The following SLC10A7 variants were observed in gnomAD, a reference collection of about 807,000 sequenced individuals.
SLC10A7 encodes the protein sodium/bile acid cotransporter 7.
SLC10A7 carries 29 observed loss-of-function variants against 43.2 expected under a neutral mutation model. The ratio of observed to expected loss-of-function variants is 0.67; its 90% CI spans 0.50 to 0.92. The LOEUF (loss-of-function observed/expected upper bound fraction) is 0.92, where lower values mean the gene tolerates loss of function less well. Ranked by LOEUF, SLC10A7 falls within the 40% of genes least tolerant of loss-of-function variation. The pLI, the probability that SLC10A7 is intolerant of heterozygous loss-of-function variation, is 0.00. For missense variants in SLC10A7, 295 were observed against 403.2 expected (o/e 0.73, Z 2.30); for synonymous variants, 152 against 144.8 (o/e 1.05, Z -0.35).
intron 4 of SLC10A7, among the ~76,000 whole-genome samples, chr4:146,467,562 C>CTTTTTTTTTT (rs397995707): frequency 1.1e-5 from 1 of 92,832 alleles, no homozygotes; most frequent in Non-Finnish European, 2.0e-5. Flanking sequence ...TTCTTTCTCT[C>CTTTTTTTTTT]TTTTTTTTTT....
At chr4:146,500,168 T>C (rs1163570233) in intron 4 of SLC10A7, among the ~76,000 whole-genome samples, 1 of 152,180 alleles carries the variant, frequency 6.6e-6, no homozygotes, top group African/African-American at 2.4e-5. Flanking sequence ...GCCAATTTCA[T>C]TCCTACACTA....
rs77887202 is a variant in SLC10A7 at position 146,259,689 on chromosome 4, T to C, written c.848-852A>G. On this transcript the variant is annotated intron_variant, in intron 10 of 11. Coordinates refer to ENST00000335472, the MANE Select transcript of SLC10A7 (RefSeq NM_001029998.6). ...ACTTCATGAGTCTACTATTCTATTA[T>C]ACCAAGAGCTGGGTGTGTATATTTT... Among the ~76,000 whole-genome samples, 214 of 152,364 alleles carry C rather than the reference T, an allele frequency of 1.4e-3. 2 individuals are homozygous for C. In the East Asian group the frequency reaches 0.024, roughly 17 times the overall value.
chr4:146,355,848 A>C lies in SLC10A7; in HGVS notation c.436-29852T>G, dbSNP rs868418572. On this transcript the variant is annotated intron_variant, in intron 5 of 11. Transcript: ENST00000335472. ...GGTAGGAATTGAACAATGAGATCAC[A>C]TGGACACAGGAAGGGGAATATCACA... Among the ~76,000 whole-genome samples, 1,057 of 120,310 alleles carry C rather than the reference A, an allele frequency of 8.8e-3. 16 individuals are homozygous for C. The highest frequency in any genetic ancestry group is 0.033 in the African/African-American group (990 of 29,956). 78.9% of individuals were successfully genotyped at this position (120,310 alleles called of 152,430 possible).
intron 4 of SLC10A7, among the ~76,000 whole-genome samples, chr4:146,473,768 A>T (rs962744104): frequency 1.3e-5 from 2 of 152,122 alleles, no homozygotes; most frequent in Non-Finnish European, 2.9e-5. Context: ...GTATTTTAAT[A>T]AAAAAATGGA....
At chr4:146,272,750 C>T (rs551598785) in intron 10 of SLC10A7, among the ~76,000 whole-genome samples, 26 of 152,254 alleles carry the variant, frequency 1.7e-4, no homozygotes, top group East Asian at 1.2e-3. Context: ...TCACTTCAAA[C>T]GCAGTAAATG....
intron 3 of SLC10A7, among the ~76,000 whole-genome samples, chr4:146,507,482 A>G (rs1466527025): frequency 6.6e-6 from 1 of 152,038 alleles, no homozygotes; most frequent in Non-Finnish European, 1.5e-5. Context: ...AATCACTTGA[A>G]CCCGGGAGGC....
intron 5 of SLC10A7, among the ~76,000 whole-genome samples, chr4:146,389,783 G>A (rs1738282808): frequency 6.6e-6 from 1 of 152,186 alleles, no homozygotes; most frequent in African/African-American, 2.4e-5. Context: ...CTTTCGGTTT[G>A]GCCTTCTGGC....
At chr4:146,339,134 T>C (rs527746942) in intron 5 of SLC10A7, among the ~76,000 whole-genome samples, 1 of 152,096 alleles carries the variant, frequency 6.6e-6, no homozygotes, top group East Asian at 1.9e-4. Flanking sequence ...CAAAAACTGA[T>C]TCTCTTTTAT....
intron 4 of SLC10A7, among the ~76,000 whole-genome samples, chr4:146,483,921 G>A (rs1394724706): frequency 6.6e-6 from 1 of 152,164 alleles, no homozygotes; most frequent in East Asian, 1.9e-4. Flanking sequence ...AATTCATCAA[G>A]AGGACATAAC....
chr4:146,414,889 T>G (rs1285525115), intron 5 of SLC10A7, among the ~76,000 whole-genome samples: 1 of 152,128 alleles, frequency 6.6e-6, no homozygotes, highest in South Asian at 2.1e-4. Context: ...CTTAAAAATC[T>G]TAATAGTCCC....
At chr4:146,383,443 C>A (rs1579048387) in intron 5 of SLC10A7, among the ~76,000 whole-genome samples, 1 of 152,124 alleles carries the variant, frequency 6.6e-6, no homozygotes, top group South Asian at 2.1e-4. Context: ...TCATTTCATC[C>A]TCTTCATTTG....
At chr4:146,289,549 T>A (rs1448943775) in intron 9 of SLC10A7, among the ~76,000 whole-genome samples, 5 of 152,008 alleles carry the variant, frequency 3.3e-5, no homozygotes, top group Admixed American at 2.6e-4. Flanking sequence ...TATTTTTTTT[T>A]AAATTTGCAG....
intron 10 of SLC10A7, among the ~76,000 whole-genome samples, chr4:146,281,442 A>G (rs1371294488): frequency 6.6e-6 from 1 of 152,104 alleles, no homozygotes; most frequent in East Asian, 1.9e-4. Flanking sequence ...ATAGAAAAAA[A>G]AAAAAGTGGG....
At chr4:146,313,757 C>G (rs1732138875) in intron 6 of SLC10A7, among the ~76,000 whole-genome samples, 3 of 152,042 alleles carry the variant, frequency 2.0e-5, no homozygotes, top group African/African-American at 7.2e-5. Flanking sequence ...GAAAGCTGCC[C>G]CTTGGTCTCT....
At chr4:146,476,841 C>G (rs547267022) in intron 4 of SLC10A7, among the ~76,000 whole-genome samples, 11 of 151,934 alleles carry the variant, frequency 7.2e-5, no homozygotes, top group Non-Finnish European at 1.6e-4. Context: ...TTAGTGATAG[C>G]AAATGGTGTT....
intron 5 of SLC10A7, among the ~76,000 whole-genome samples, chr4:146,419,044 G>C (rs186135405): frequency 3.3e-5 from 5 of 152,334 alleles, no homozygotes; most frequent in African/African-American, 7.2e-5. Context: ...ATGTGGGAAG[G>C]GGCACGGAGC....
chr4:146,258,978 T>C (rs1728051546), intron 10 of SLC10A7, 141 bp from the exon 11 acceptor site: 1 of 950,896 alleles, frequency 1.1e-6, no homozygotes, highest in African/African-American at 1.7e-5. Flanking sequence ...AATGGGAAAG[T>C]CTGAAATGGG....
intron 4 of SLC10A7, among the ~76,000 whole-genome samples, chr4:146,501,691 C>T (rs1736435548): frequency 6.6e-6 from 1 of 152,206 alleles, no homozygotes; most frequent in Admixed American, 6.5e-5. Context: ...TTTTTAACCA[C>T]TGAGATTTTG....
intron 7 of SLC10A7, among the ~76,000 whole-genome samples, chr4:146,300,878 CA>C (rs1434764888): frequency 6.6e-6 from 1 of 152,044 alleles, no homozygotes; most frequent in Non-Finnish European, 1.5e-5. Context: ...TTATCCTGAA[CA>C]AATGGCAACC....
Sources: gnomAD v4.1 joint callset for allele counts (sites outside exome capture counted in the v4.1 genomes callset) on GRCh38, gnomAD v4.1.1 for gene constraint, MANE v1.5 for transcripts, NCBI Gene and HGNC (gene_info 2026-07-23, HGNC 2026-07-21) for gene names.